Variants in WWOX observed in about 807,000 individuals in gnomAD.
WWOX encodes the protein WW domain-containing oxidoreductase.
WWOX carries 69 observed loss-of-function variants against 46.2 expected under a neutral mutation model. That is an observed-to-expected ratio of 1.49 (90% CI 1.23 to 1.82). The LOEUF (loss-of-function observed/expected upper bound fraction) is 1.82. Ranked by LOEUF, WWOX falls within the 40% of genes most tolerant of loss-of-function variation. The probability of loss-of-function intolerance (pLI) is 0.00; values close to 1 mark genes in which losing one functional copy is unlikely to be tolerated. For missense variants in WWOX, 919 were observed against 542.6 expected, an observed-to-expected ratio of 1.69 and a Z score of -6.89; for synonymous variants, 359 against 202.6, an observed-to-expected ratio of 1.77 and a Z score of -6.56.
At chr16:79,066,580 T>C (rs967701511) in intron 8 of WWOX, among the ~76,000 whole-genome samples, 1 of 152,192 alleles carries the variant, frequency 6.6e-6, no homozygotes, top group Non-Finnish European at 1.5e-5. Flanking sequence ...TCCCCCTTAT[T>C]TCTGAAAGCT....
intron 8 of WWOX, among the ~76,000 whole-genome samples, chr16:78,951,088 C>T (rs1221355467): frequency 6.6e-6 from 1 of 152,178 alleles, no homozygotes; most frequent in Non-Finnish European, 1.5e-5. Context: ...TTTTTATTTT[C>T]CATTGCCAGT....
intron 5 of WWOX, among the ~76,000 whole-genome samples, chr16:78,229,496 T>TTATA (rs1481481620): frequency 1.2e-4 from 15 of 125,510 alleles, no homozygotes; most frequent in African/African-American, 4.1e-4. Context: ...GTATATATAT[T>TTATA]TATCTATATC....
intron 8 of WWOX, chr16:78,496,498 C>G (rs962020057): frequency 6.6e-6 from 1 of 152,208 alleles, no homozygotes; most frequent in Non-Finnish European, 1.5e-5. Context: ...TGGCTGTTTT[C>G]AATTAACTTG....
At chr16:78,488,592 G>A (rs1444470957) in intron 8 of WWOX, among the ~76,000 whole-genome samples, 2 of 152,098 alleles carry the variant, frequency 1.3e-5, no homozygotes, top group Admixed American at 6.5e-5. Context: ...TAGCTGACCC[G>A]AGAGACCGTG....
intron 8 of WWOX, among the ~76,000 whole-genome samples, chr16:78,900,714 A>G (rs907758670): frequency 2.3e-4 from 35 of 152,238 alleles, no homozygotes; most frequent in African/African-American, 8.2e-4. Context: ...TTTTGAATCA[A>G]TGGAATCATA....
chr16:78,289,712 C>T (rs1443254793), intron 5 of WWOX, among the ~76,000 whole-genome samples: 2 of 152,130 alleles, frequency 1.3e-5, no homozygotes, highest in African/African-American at 4.8e-5. Context: ...TCTAAATAAA[C>T]AATATTTGAA....
intron 8 of WWOX, among the ~76,000 whole-genome samples, chr16:78,471,992 T>C (rs572510876): frequency 6.6e-6 from 1 of 152,342 alleles, no homozygotes; most frequent in African/African-American, 2.4e-5. Context: ...CTAATTCCAA[T>C]GTTTCACTTT....
Position 78,783,872 on chromosome 16 carries a change from ATGACGATGATAATGG to A in WWOX, c.1056+351124_1056+351138del, listed in dbSNP as rs2050390536. Among the ~76,000 whole-genome samples the A allele has an allele frequency of 7.0e-5, 7 of 100,280 alleles. 1 individual carries two copies. The highest frequency in any genetic ancestry group is 2.8e-4 in the African/African-American group (7 of 25,106). The allele number at this position is 100,280 out of a possible 152,430, so 65.8% of individuals were successfully genotyped here. A position where few individuals can be genotyped will look rare whatever the true frequency, so the allele number is the denominator to read the frequency against. On this transcript the variant is annotated intron_variant, in intron 8 of 8. Transcript: ENST00000566780. ...TGGTGATATGACGCTGATGATGGTG[ATGACGATGATAATGG>A]TGATGATGGTGATGACGATGGTGAT...
intron 8 of WWOX, among the ~76,000 whole-genome samples, chr16:78,868,280 A>T (rs1310593693): frequency 6.6e-6 from 1 of 152,210 alleles, no homozygotes; most frequent in Non-Finnish European, 1.5e-5. Context: ...CGGTCATAAA[A>T]GACCACATAG....
intron 8 of WWOX, among the ~76,000 whole-genome samples, chr16:78,856,547 G>A (rs558520060): frequency 1.3e-5 from 2 of 152,142 alleles, no homozygotes; most frequent in African/African-American, 4.8e-5. Flanking sequence ...GGAGTCTGAG[G>A]CAGGAGAATC....
At chr16:78,690,466 T>A (rs2047959424) in intron 8 of WWOX, among the ~76,000 whole-genome samples, 1 of 152,062 alleles carries the variant, frequency 6.6e-6, no homozygotes, top group Admixed American at 6.6e-5. Context: ...ATGGGAGGAT[T>A]GCTTGGGCCC....
chr16:78,662,453 A>T (rs1042961815), intron 8 of WWOX, among the ~76,000 whole-genome samples: 1 of 152,032 alleles, frequency 6.6e-6, no homozygotes, highest in African/African-American at 2.4e-5. Flanking sequence ...ATTGGAAATT[A>T]TTACTCAGTT....
intron 8 of WWOX, among the ~76,000 whole-genome samples, chr16:78,862,241 C>A (rs1056339595): frequency 2.2e-4 from 33 of 150,832 alleles, no homozygotes; most frequent in Admixed American, 1.8e-3. Context: ...TCTATACACA[C>A]CTATGGGTGT....
intron 5 of WWOX, among the ~76,000 whole-genome samples, chr16:78,249,184 G>T (rs1326977714): frequency 3.9e-5 from 6 of 152,188 alleles, no homozygotes; most frequent in Non-Finnish European, 8.8e-5. Context: ...ACAAGGCATG[G>T]AATGGTTAAA....
At chr16:78,763,685 A>T (rs1438786574) in intron 8 of WWOX, among the ~76,000 whole-genome samples, 1 of 152,232 alleles carries the variant, frequency 6.6e-6, no homozygotes, top group Non-Finnish European at 1.5e-5. Context: ...TACTCATTAA[A>T]TACTTGTTCC....
intron 8 of WWOX, among the ~76,000 whole-genome samples, chr16:78,984,802 G>C (rs1031162274): frequency 6.6e-6 from 1 of 152,148 alleles, no homozygotes; most frequent in Non-Finnish European, 1.5e-5. Flanking sequence ...GATACCGGCA[G>C]CTCAGGTAAG....
intron 8 of WWOX, among the ~76,000 whole-genome samples, chr16:78,649,351 C>T (rs1027325447): frequency 6.6e-6 from 1 of 152,062 alleles, no homozygotes; most frequent in East Asian, 1.9e-4. Context: ...TGGTGCAATC[C>T]TAGCTTACTG....
At chr16:79,061,149 G>A (rs920524529) in intron 8 of WWOX, among the ~76,000 whole-genome samples, 3 of 151,612 alleles carry the variant, frequency 2.0e-5, no homozygotes, top group Admixed American at 6.6e-5. Context: ...TTTATGTTGA[G>A]GGAGAAATGA....
chr16:78,365,302 C>G (rs185942823), intron 5 of WWOX, among the ~76,000 whole-genome samples: 2 of 152,270 alleles, frequency 1.3e-5, no homozygotes, highest in Non-Finnish European at 2.9e-5. Flanking sequence ...GAAGCTAATG[C>G]CGTGAGCCAG....
Sources: allele counts gnomAD v4.1 joint callset (sites outside exome capture counted in the v4.1 genomes callset), GRCh38; gene constraint gnomAD v4.1.1; transcripts MANE v1.5; gene names NCBI Gene and HGNC (gene_info 2026-07-23, HGNC 2026-07-21).